UBE2D3: variants seen among roughly 807,000 people sequenced by gnomAD.
UBE2D3 encodes the protein ubiquitin-conjugating enzyme E2 D3.
Under a neutral mutation model 22.8 loss-of-function variants are expected in UBE2D3, and 2 were observed. The ratio of observed to expected loss-of-function variants is 0.09; its 90% confidence interval spans 0.04 to 0.28. UBE2D3 has a LOEUF of 0.28. Ranked by LOEUF, UBE2D3 falls within the 10% of genes least tolerant of loss-of-function variation. UBE2D3 has a pLI of 1.00. For synonymous variants in UBE2D3, 56 were observed against 60.4 expected (o/e 0.93, Z 0.34); for missense variants, 27 against 182.5 (o/e 0.15, Z 4.91).
At chr4:102,853,907 G>T (rs1443859321) in intron 1 of UBE2D3, among the ~76,000 whole-genome samples, 2 of 152,010 alleles carry the variant, frequency 1.3e-5, no homozygotes, top group African/African-American at 4.8e-5. Flanking sequence ...AGTACTTTCT[G>T]AACACTAAAT....
chr4:102,826,088 T>C lies in UBE2D3; in HGVS notation c.24+397A>G, dbSNP rs180872598. ...CCCTAGAAGGCCTAGATAACCTTGA[T>C]CTCACAACTAAACTAAGTTTTCAAG... On this transcript the variant is annotated intron_variant, in intron 2 of 7. Transcript: ENST00000453744. 2.0e-5 allele frequency among the ~76,000 whole-genome samples: 3 copies of C among 152,126 alleles called. No homozygotes were observed. The East Asian group carries it at 5.8e-4, about 29-fold the overall frequency.
chr4:102,824,370 G>A (rs754169511), intron 2 of UBE2D3, among the ~76,000 whole-genome samples: 1 of 152,170 alleles, frequency 6.6e-6, no homozygotes, highest in Non-Finnish European at 1.5e-5. Context: ...CCAAGAGCCT[G>A]TTCAAATTTG....
intron 1 of UBE2D3, among the ~76,000 whole-genome samples, chr4:102,833,144 G>GTTT (rs11329227): frequency 6.8e-6 from 1 of 146,670 alleles, no homozygotes; most frequent in Non-Finnish European, 1.5e-5. Flanking sequence ...TGTGCTACAT[G>GTTT]TTTTTTTTTT....
intron 1 of UBE2D3, among the ~76,000 whole-genome samples, chr4:102,836,221 A>C (rs888692262): frequency 3.8e-5 from 5 of 131,302 alleles, no homozygotes; most frequent in African/African-American, 1.2e-4. Flanking sequence ...ATCTTGGCTT[A>C]CTGTAACCTC....
At chr4:102,817,513 T>C (rs1349324709) in intron 2 of UBE2D3, among the ~76,000 whole-genome samples, 1 of 152,172 alleles carries the variant, frequency 6.6e-6, no homozygotes, top group Admixed American at 6.5e-5. Flanking sequence ...TAAGTGTACC[T>C]ACTAACAACT....
At chr4:102,810,716 C>A (rs898366619) in intron 2 of UBE2D3, 2 of 152,084 alleles carry the variant, frequency 1.3e-5, no homozygotes, top group Admixed American at 1.3e-4. Context: ...TTATTTCCAA[C>A]AAGTATGTAG....
upstream of UBE2D3, among the ~76,000 whole-genome samples, chr4:102,829,561 T>C (rs549388150): frequency 3.9e-5 from 6 of 152,358 alleles, no homozygotes; most frequent in South Asian, 1.2e-3. Flanking sequence ...TCATAATATA[T>C]GTGAAAGGAC....
intron 6 of UBE2D3, 84 bp from the exon 7 acceptor site, chr4:102,799,584 A>G: frequency 1.0e-6 from 1 of 966,444 alleles, no homozygotes; most frequent in East Asian, 2.5e-5. Context: ...ACAAAACTCA[A>G]TCCTCAAAAG....
At chr4:102,826,240 C>G (rs1439357961) in intron 2 of UBE2D3, among the ~76,000 whole-genome samples, 1 of 152,088 alleles carries the variant, frequency 6.6e-6, no homozygotes, top group Admixed American at 6.5e-5. Flanking sequence ...CTCTCCTCCA[C>G]CCCTAATTTG....
rs11558051 is a variant in UBE2D3, at chr4:102,797,161, T to A, written c.*254A>T. ...AATACACATGCTCCATTTTTTTTTT[T>A]AAAAATTCTGAGTCTTGGGCAACTG... On this transcript the variant is annotated 3_prime_UTR_variant, in exon 8 of 8. Transcript: ENST00000453744. 3,255 of 327,608 alleles carry A rather than the reference T, an allele frequency of 9.9e-3. 17 individuals carry two copies. The highest frequency in any genetic ancestry group is 0.02 in the South Asian group (271 of 13,414). The allele number at this position is 327,608 out of a possible 1,614,324, so 20.3% of individuals were successfully genotyped here. A position where few individuals can be genotyped will look rare whatever the true frequency, so the allele number is the denominator to read the frequency against.
Position 102,801,334 on chromosome 4 carries a change from C to CAT in UBE2D3, c.304+119_304+120insAT, listed in dbSNP as rs911910179. 10 of 767,496 alleles carry CAT rather than the reference C, an allele frequency of 1.3e-5. No homozygotes were observed. In the African/African-American group the frequency reaches 1.9e-4, roughly 14 times the overall value. 47.5% of individuals were successfully genotyped at this position (767,496 alleles called of 1,614,324 possible). On this transcript the variant is annotated intron_variant, in intron 6 of 7. Transcript: ENST00000453744. Reference sequence around the variant, plus strand: ...AAAAGAACAAAAATTATAAAAGTAACTTTATTGCTTCCCCATCTCTTACCA... The same window carrying CAT: ...AAAAGAACAAAAATTATAAAAGTAACATTTTATTGCTTCCCCATCTCTTACCA...
intron 1 of UBE2D3, among the ~76,000 whole-genome samples, chr4:102,853,562 T>C (rs1401498004): frequency 6.6e-6 from 1 of 152,154 alleles, no homozygotes; most frequent in Non-Finnish European, 1.5e-5. Flanking sequence ...TAAACTAATA[T>C]ATGTAGGACA....
At chr4:102,861,653 T>C (rs767757620) in intron 1 of UBE2D3, among the ~76,000 whole-genome samples, 5 of 151,998 alleles carry the variant, frequency 3.3e-5, no homozygotes, top group African/African-American at 1.2e-4. Flanking sequence ...ACTATATTTA[T>C]AGATTACAGT....
intron 5 of UBE2D3, chr4:102,801,796 T>C (rs1046717526): frequency 1.2e-5 from 4 of 334,484 alleles, no homozygotes; most frequent in African/African-American, 6.5e-5. Context: ...TTCTAAAGGT[T>C]ACTGTGGCCC....
At chr4:102,808,182 C>A (rs1727365408) in intron 4 of UBE2D3, among the ~76,000 whole-genome samples, 1 of 152,092 alleles carries the variant, frequency 6.6e-6, no homozygotes, top group Non-Finnish European at 1.5e-5. Context: ...AAACACATAT[C>A]CCATCTAAAA....
intron 1 of UBE2D3, among the ~76,000 whole-genome samples, chr4:102,858,306 G>C (rs1169505424): frequency 6.6e-6 from 1 of 151,874 alleles, no homozygotes; most frequent in East Asian, 1.9e-4. Flanking sequence ...AGACTTAAAA[G>C]TATTTTTATT....
chr4:102,827,497 C>G lies in UBE2D3; in HGVS notation c.-199G>C. Reference sequence around the variant, plus strand: ...CGCGCGGCAGCTGGTGCCTCCCCGGCCCTACGGGGCTCACGCGCACGACAC... The same window carrying G: ...CGCGCGGCAGCTGGTGCCTCCCCGGGCCTACGGGGCTCACGCGCACGACAC... On this transcript the variant is annotated 5_prime_UTR_variant, in exon 1 of 8. Transcript: ENST00000453744. 1.0e-6 allele frequency: 1 copy of G among 986,236 alleles called. No homozygotes were observed. Among genetic ancestry groups the G allele is most frequent in the Non-Finnish European group, 1.2e-6 (1 of 830,202 alleles). 61.1% of individuals were successfully genotyped at this position (986,236 alleles called of 1,614,324 possible).
chr4:102,828,313 A>G (rs760241553), upstream of UBE2D3: 2 of 970,916 alleles, frequency 2.1e-6, no homozygotes, highest in Non-Finnish European at 2.4e-6. Flanking sequence ...TTTCCGGTGG[A>G]GCAGGTGAGC....
At chr4:102,850,342 A>G (rs1291734695) in intron 1 of UBE2D3, among the ~76,000 whole-genome samples, 2 of 99,604 alleles carry the variant, frequency 2.0e-5, no homozygotes, top group African/African-American at 5.7e-5. Context: ...ATTTTTGCAT[A>G]TATGCTATAT....
Sources: gnomAD v4.1 joint callset for allele counts (sites outside exome capture counted in the v4.1 genomes callset) on GRCh38, gnomAD v4.1.1 for gene constraint, MANE v1.5 for transcripts, NCBI Gene and HGNC (gene_info 2026-07-23, HGNC 2026-07-21) for gene names.